Variants in OTUD7A observed in about 807,000 individuals in gnomAD.
The protein encoded by OTUD7A is OTU deubiquitinase 7A.
A neutral mutation model predicts 65.7 loss-of-function variants in OTUD7A; 12 were observed. The observed-to-expected ratio is 0.18, with a 90% CI of 0.12 to 0.30. The LOEUF (loss-of-function observed/expected upper bound fraction) is 0.30. OTUD7A is among the 10% of genes least tolerant of loss of function. The pLI, the probability that OTUD7A is intolerant of heterozygous loss-of-function variation, is 1.00. For missense variants in OTUD7A, 1,148 were observed against 1,304.8 expected, an observed-to-expected ratio of 0.88 and a Z score of 1.85; for synonymous variants, 641 against 586.3, an observed-to-expected ratio of 1.09 and a Z score of -1.35.
intron 5 of OTUD7A, among the ~76,000 whole-genome samples, chr15:31,540,793 C>T (rs924539019): frequency 6.6e-6 from 1 of 152,122 alleles, no homozygotes. Flanking sequence ...TACCTTTATA[C>T]ACCAAAGTCC....
At chr15:31,493,123 T>G (rs1225667733) in intron 10 of OTUD7A, among the ~76,000 whole-genome samples, 2 of 151,190 alleles carry the variant, frequency 1.3e-5, no homozygotes, top group Admixed American at 6.6e-5. Flanking sequence ...GGAGAATTGC[T>G]TGAACCTGAG....
chr15:31,862,950 AT>A (rs1394506656), intron 1 of OTUD7A, among the ~76,000 whole-genome samples: 2 of 152,202 alleles, frequency 1.3e-5, no homozygotes, highest in Non-Finnish European at 1.5e-5. Context: ...TCTAGATACA[AT>A]GGGGGTACAG....
chr15:31,734,646 G>A (rs1423412064), intron 1 of OTUD7A, among the ~76,000 whole-genome samples: 2 of 152,010 alleles, frequency 1.3e-5, no homozygotes, highest in South Asian at 2.1e-4. Flanking sequence ...CAAAAACAAG[G>A]AACGTGTAAA....
chr15:31,509,403 C>T (rs773245863), intron 8 of OTUD7A, among the ~76,000 whole-genome samples: 2 of 151,992 alleles, frequency 1.3e-5, no homozygotes, highest in Non-Finnish European at 2.9e-5. Context: ...CTCAGCCTCC[C>T]GAGTAGCTGG....
chr15:31,839,043 C>T (rs1207626738), intron 1 of OTUD7A, among the ~76,000 whole-genome samples: 3 of 152,228 alleles, frequency 2.0e-5, no homozygotes, highest in Non-Finnish European at 4.4e-5. Context: ...GCTGCTCTCC[C>T]AGCCCCTGCT....
At chr15:31,630,770 C>T (rs1342178686) in intron 3 of OTUD7A, among the ~76,000 whole-genome samples, 7 of 152,152 alleles carry the variant, frequency 4.6e-5, no homozygotes, top group Non-Finnish European at 2.9e-5. Flanking sequence ...TCTTGGTGCT[C>T]CTGTATTGGG....
chr15:31,701,871 C>A (rs1283502435), intron 1 of OTUD7A, among the ~76,000 whole-genome samples: 1 of 151,808 alleles, frequency 6.6e-6, no homozygotes, highest in East Asian at 1.9e-4. Flanking sequence ...AGACCAATAT[C>A]CCTCATGAAT....
At chr15:31,538,879 G>A (rs1887892678) in intron 5 of OTUD7A, among the ~76,000 whole-genome samples, 2 of 151,958 alleles carry the variant, frequency 1.3e-5, no homozygotes, top group Non-Finnish European at 2.9e-5. Context: ...TTCCTCCCTC[G>A]CTGTAACACC....
At chr15:31,766,605 T>C (rs912215458) in intron 1 of OTUD7A, 16 of 1,609,998 alleles carry the variant, frequency 9.9e-6, no homozygotes, top group African/African-American at 4.0e-5. Flanking sequence ...CACTGGTGTA[T>C]TGATAATAAC....
intron 3 of OTUD7A, among the ~76,000 whole-genome samples, chr15:31,615,315 C>T (rs932189674): frequency 1.3e-5 from 2 of 151,974 alleles, no homozygotes; most frequent in African/African-American, 4.8e-5. Flanking sequence ...ATCAAAAGAG[C>T]TAATGTAGAA....
chr15:31,629,310 T>C (rs946992863), intron 3 of OTUD7A, among the ~76,000 whole-genome samples: 2 of 152,220 alleles, frequency 1.3e-5, no homozygotes, highest in African/African-American at 4.8e-5. Context: ...CAAGGGTTGT[T>C]GAATTTTGTC....
At chr15:31,865,719 C>G (rs1414462523) in intron 1 of OTUD7A, among the ~76,000 whole-genome samples, 1 of 152,168 alleles carries the variant, frequency 6.6e-6, no homozygotes, top group Non-Finnish European at 1.5e-5. Flanking sequence ...GAGTGAGCTC[C>G]TAAACCTTTG....
At chr15:31,648,757 T>C (rs1413516340) in intron 3 of OTUD7A, among the ~76,000 whole-genome samples, 1 of 152,114 alleles carries the variant, frequency 6.6e-6, no homozygotes, top group Non-Finnish European at 1.5e-5. Flanking sequence ...CCCCTGCCTT[T>C]ATTTTATTAT....
chr15:31,581,730 C>A (rs1889378843), intron 3 of OTUD7A, among the ~76,000 whole-genome samples: 3 of 152,228 alleles, frequency 2.0e-5, no homozygotes, highest in African/African-American at 7.2e-5. Flanking sequence ...GCCCATGAAA[C>A]CATTTTTTCC....
At chr15:31,592,967 A>G (rs1164889315) in intron 3 of OTUD7A, among the ~76,000 whole-genome samples, 6 of 138,938 alleles carry the variant, frequency 4.3e-5, no homozygotes, top group South Asian at 2.2e-4. Flanking sequence ...ATATATGTAT[A>G]TATATATATA....
At chr15:31,847,055 G>T (rs956589497) in intron 1 of OTUD7A, among the ~76,000 whole-genome samples, 15 of 152,218 alleles carry the variant, frequency 9.9e-5, no homozygotes, top group African/African-American at 2.9e-4. Context: ...GCTATGCCAA[G>T]AGGGCAGGGC....
At chr15:31,563,648 G>T (rs1888767446) in intron 4 of OTUD7A, among the ~76,000 whole-genome samples, 1 of 152,216 alleles carries the variant, frequency 6.6e-6, no homozygotes, top group East Asian at 1.9e-4. Flanking sequence ...GCACAGCTGG[G>T]TGGGGCACCA....
rs888601230 is a variant in OTUD7A, at chr15:31,476,661, A to G, written c.*6633T>C. On this transcript the variant is annotated 3_prime_UTR_variant, in exon 13 of 13. Coordinates refer to ENST00000307050, the MANE Select transcript of OTUD7A (RefSeq NM_001382637.1). ...GCTGGACAGCTGCAGAGAGGGCATC[A>G]CGATGGAGACCTTATGCCCCCTCCC... 47 of 152,278 alleles carry G rather than the reference A, an allele frequency of 3.1e-4. 1 individual carries two copies. The allele number at this position is 152,278 out of a possible 1,614,324, so 9.4% of individuals were successfully genotyped here. A position where few individuals can be genotyped will look rare whatever the true frequency, so the allele number is the denominator to read the frequency against.
At position 31,487,544 on chromosome 15, in the gene OTUD7A, A is replaced by G. The variant is rs1239694318; in HGVS notation, c.1194T>C (p.Ser398=). Residue 398 remains serine (S), a synonymous_variant, in exon 11 of 13, where the codon TCT becomes TCC. Transcript: ENST00000307050. This position sits in a 1 kb window ranked among gnomAD's most constrained non-coding sequence, Gnocchi z 6.0. ...AGTGCAGAGGCAGCAGCTTGTGCTCAGAATCCGTCAGGGGGATCACGGCTG... is the reference window on the plus strand; with the variant it reads ...AGTGCAGAGGCAGCAGCTTGTGCTCGGAATCCGTCAGGGGGATCACGGCTG... The part of the protein sequence containing the change: ...REQAVIPLTD[S]EHKLLPLHFA... 1 of 1,613,926 alleles carries G rather than the reference A, an allele frequency of 6.2e-7. No homozygotes were observed. Among genetic ancestry groups the G allele is most frequent in the Non-Finnish European group, 8.5e-7 (1 of 1,179,988 alleles).
Sources: gnomAD v4.1 joint callset for allele counts (sites outside exome capture counted in the v4.1 genomes callset) on GRCh38, gnomAD v4.1.1 for gene constraint, Gnocchi (gnomAD v3.1) non-coding constraint, MANE v1.5 for transcripts, NCBI Gene and HGNC (gene_info 2026-07-23, HGNC 2026-07-21) for gene names.